CREB5: variants seen among roughly 807,000 people sequenced by gnomAD.
The protein encoded by CREB5 is cyclic AMP-responsive element-binding protein 5.
A neutral mutation model predicts 57.1 loss-of-function variants in CREB5; 19 were observed. That is an observed-to-expected ratio of 0.33 (90% CI 0.23 to 0.49). The LOEUF (loss-of-function observed/expected upper bound fraction) is 0.49. CREB5 is among the 20% of genes least tolerant of loss of function. The pLI is 0.99. For missense variants in CREB5, 579 were observed against 671.6 expected, an observed-to-expected ratio of 0.86 and a Z score of 1.52; for synonymous variants, 238 against 238.3, an observed-to-expected ratio of 1.00 and a Z score of 0.01.
At chr7:28,595,997 C>A (rs1316745738) in intron 5 of CREB5, among the ~76,000 whole-genome samples, 1 of 152,162 alleles carries the variant, frequency 6.6e-6, no homozygotes, top group Non-Finnish European at 1.5e-5. Context: ...CCATAGCACT[C>A]TAGGCCGAGA....
At chr7:28,746,599 A>G (rs897631467) in intron 7 of CREB5, among the ~76,000 whole-genome samples, 5 of 152,218 alleles carry the variant, frequency 3.3e-5, no homozygotes, top group Non-Finnish European at 7.4e-5. Context: ...GATTTGAATT[A>G]TCTTCTCTAC....
intron 5 of CREB5, among the ~76,000 whole-genome samples, chr7:28,595,970 C>T (rs1407503989): frequency 6.6e-6 from 1 of 152,186 alleles, no homozygotes; most frequent in Non-Finnish European, 1.5e-5. Context: ...TATTTGGTCT[C>T]ACTTTCATCG....
chr7:28,345,320 C>G (rs983047206), intron 1 of CREB5, among the ~76,000 whole-genome samples: 2 of 149,300 alleles, frequency 1.3e-5, no homozygotes, highest in Non-Finnish European at 3.0e-5. Flanking sequence ...ACAACTAACA[C>G]AAAACATGTC....
chr7:28,410,157 G>A (rs1057151543), upstream of CREB5: 1 of 404,796 alleles, frequency 2.5e-6, no homozygotes. Context: ...GCGGGTGGGC[G>A]CGCGCCCGGG....
intron 7 of CREB5, among the ~76,000 whole-genome samples, chr7:28,768,033 CA>C (rs2128774174): frequency 6.6e-6 from 1 of 152,258 alleles, no homozygotes; most frequent in South Asian, 2.1e-4. Context: ...CTAATTCTAT[CA>C]TTTATAAAAT....
At chr7:28,382,558 A>G (rs1786986968) in intron 1 of CREB5, among the ~76,000 whole-genome samples, 1 of 152,236 alleles carries the variant, frequency 6.6e-6, no homozygotes, top group South Asian at 2.1e-4. Flanking sequence ...TCATTGTAGA[A>G]TGTTCTGGAA....
At chr7:28,607,920 T>C (rs1797211872) in intron 5 of CREB5, among the ~76,000 whole-genome samples, 1 of 152,084 alleles carries the variant, frequency 6.6e-6, no homozygotes, top group Non-Finnish European at 1.5e-5. Flanking sequence ...CTTTCTCTGT[T>C]TTCCTCCAGA....
At chr7:28,461,618 G>GCCAT (rs1341690716) in intron 1 of CREB5, among the ~76,000 whole-genome samples, 10 of 152,228 alleles carry the variant, frequency 6.6e-5, no homozygotes, top group Admixed American at 6.5e-4. Flanking sequence ...TTTACATGAA[G>GCCAT]CCATACCTCT....
At chr7:28,313,445 G>T (rs952170471) in intron 1 of CREB5, among the ~76,000 whole-genome samples, 3 of 152,032 alleles carry the variant, frequency 2.0e-5, no homozygotes, top group Non-Finnish European at 4.4e-5. Context: ...ATTACTTTTG[G>T]TCTGTGATTC....
intron 4 of CREB5, among the ~76,000 whole-genome samples, chr7:28,527,144 G>C (rs1172537117): frequency 6.6e-6 from 1 of 152,170 alleles, no homozygotes; most frequent in African/African-American, 2.4e-5. Flanking sequence ...GCCTTAGCAG[G>C]CTTTTCCAAC....
At chr7:28,343,615 A>G (rs1785978622) in intron 1 of CREB5, among the ~76,000 whole-genome samples, 1 of 152,116 alleles carries the variant, frequency 6.6e-6, no homozygotes, top group South Asian at 2.1e-4. Context: ...TTCTTTATCC[A>G]TTCATCTGTT....
intron 1 of CREB5, among the ~76,000 whole-genome samples, chr7:28,362,869 G>A (rs750803885): frequency 2.6e-5 from 4 of 152,152 alleles, no homozygotes; most frequent in African/African-American, 9.7e-5. Context: ...TTTCTCATCT[G>A]GAAAGTGGGA....
intron 1 of CREB5, among the ~76,000 whole-genome samples, chr7:28,384,316 G>A (rs559892866): frequency 1.3e-5 from 2 of 152,160 alleles, no homozygotes; most frequent in African/African-American, 2.4e-5. Context: ...CAGCAAATTC[G>A]CATTCAAAGC....
chr7:28,583,448 C>T (rs181233625), intron 5 of CREB5, among the ~76,000 whole-genome samples: 38 of 152,232 alleles, frequency 2.5e-4, no homozygotes, highest in Admixed American at 1.1e-3. Flanking sequence ...GGAAGAAAAT[C>T]ATCAGAAGGG....
intron 7 of CREB5, among the ~76,000 whole-genome samples, chr7:28,757,739 A>G (rs926419070): frequency 6.6e-6 from 1 of 151,972 alleles, no homozygotes; most frequent in Non-Finnish European, 1.5e-5. Flanking sequence ...CAGGTGGAGT[A>G]TCCCTTATCC....
Position 28,819,475 on chromosome 7 carries a change from A to G in CREB5, c.*196A>G, listed in dbSNP as rs549480900. 2.8e-5 allele frequency: 15 copies of G among 544,460 alleles called. No homozygotes were observed. The South Asian group carries it at 3.3e-4, about 12-fold the overall frequency. The allele number at this position is 544,460 out of a possible 1,614,324, so 33.7% of individuals were successfully genotyped here. ...AAGAAAAAAGGGAGTTATGCAATTA[A>G]TATCTATCAGCTTGGGAAACGCTTT... On this transcript the variant is annotated 3_prime_UTR_variant, in exon 11 of 11. Transcript: ENST00000357727.
intron 5 of CREB5, among the ~76,000 whole-genome samples, chr7:28,582,215 A>G (rs1562810944): frequency 6.6e-6 from 1 of 152,032 alleles, no homozygotes; most frequent in East Asian, 1.9e-4. Context: ...GTCCTTAGGT[A>G]AAATTTCATG....
intron 1 of CREB5, among the ~76,000 whole-genome samples, chr7:28,398,232 T>C (rs1456126023): frequency 6.6e-6 from 1 of 152,138 alleles, no homozygotes; most frequent in African/African-American, 2.4e-5. Flanking sequence ...TTGACTTAAT[T>C]CCAGGTTTTA....
At chr7:28,658,188 T>A (rs2128710959) in intron 5 of CREB5, among the ~76,000 whole-genome samples, 1 of 152,240 alleles carries the variant, frequency 6.6e-6, no homozygotes, top group South Asian at 2.1e-4. Context: ...GAGAAAGAGT[T>A]TTTAACTGCC....
Sources: allele counts gnomAD v4.1 joint callset (sites outside exome capture counted in the v4.1 genomes callset), GRCh38; gene constraint gnomAD v4.1.1; transcripts MANE v1.5; gene names NCBI Gene and HGNC (gene_info 2026-07-23, HGNC 2026-07-21).